The following NLGN1 variants were observed in gnomAD, a reference collection of about 807,000 sequenced individuals.
NLGN1 encodes the protein neuroligin 1.
Under a neutral mutation model 65.5 loss-of-function variants are expected in NLGN1, and 12 were observed. The observed-to-expected ratio is 0.18, with a 90% confidence interval of 0.12 to 0.30. The LOEUF is 0.30. NLGN1 is among the 10% of genes least tolerant of loss of function. The pLI is 1.00. For synonymous variants in NLGN1, 350 were observed against 359.5 expected (o/e 0.97, Z 0.30); for missense variants, 750 against 1,007.1 (o/e 0.74, Z 3.46).
At chr3:174,258,552 C>G (rs1374634168) in intron 4 of NLGN1, among the ~76,000 whole-genome samples, 2 of 152,082 alleles carry the variant, frequency 1.3e-5, no homozygotes, top group Non-Finnish European at 2.9e-5. Flanking sequence ...AATTACCACC[C>G]TAACCAAACG....
At chr3:173,960,757 G>A (rs1440040933) in intron 4 of NLGN1, among the ~76,000 whole-genome samples, 2 of 151,392 alleles carry the variant, frequency 1.3e-5, no homozygotes, top group Non-Finnish European at 3.0e-5. Flanking sequence ...TAGATAGGAA[G>A]ACAACTTATT....
At chr3:174,053,929 T>G (rs776755098) in intron 4 of NLGN1, among the ~76,000 whole-genome samples, 4 of 152,012 alleles carry the variant, frequency 2.6e-5, no homozygotes, top group Non-Finnish European at 4.4e-5. Context: ...TTCTGAAATT[T>G]TCAATATAAG....
intron 4 of NLGN1, chr3:174,202,944 G>A (rs1349515061): frequency 1.3e-5 from 2 of 152,078 alleles, no homozygotes; most frequent in Non-Finnish European, 2.9e-5. Context: ...TCTGTTAGAG[G>A]TTGTGGACTA....
intron 4 of NLGN1, among the ~76,000 whole-genome samples, chr3:174,129,231 A>G (rs1003599640): frequency 2.0e-5 from 3 of 151,964 alleles, no homozygotes; most frequent in African/African-American, 7.3e-5. Flanking sequence ...TGAGGCCCAA[A>G]CGATCAATTT....
intron 4 of NLGN1, among the ~76,000 whole-genome samples, chr3:174,184,139 T>A (rs4894646): frequency 0.75 from 113,700 of 151,958 alleles, 42,602 homozygotes; most frequent in Admixed American, 0.77. Flanking sequence ...CAAAAGTCAA[T>A]AACACTAGAC....
At position 173,882,730 on chromosome 3, in the gene NLGN1, A is replaced by G. The variant is rs4438687; in HGVS notation, c.646+74898A>G. On this transcript the variant is annotated intron_variant, in intron 4 of 6. Coordinates refer to ENST00000457714, the Ensembl canonical transcript of NLGN1. ...TGTTGAAACCTTCTCCATATCATCA[A>G]TAAAGCTGTTTCACTTACTGATAAT... Among the ~76,000 whole-genome samples the G allele has an allele frequency of 3.2e-3, 490 of 152,342 alleles. 12 individuals are homozygous for G. Among genetic ancestry groups the G allele is most frequent in the Admixed American group, 0.025 (390 of 15,302 alleles).
chr3:174,259,268 A>G (rs1746384953), intron 4 of NLGN1, among the ~76,000 whole-genome samples: 2 of 151,982 alleles, frequency 1.3e-5, no homozygotes, highest in Admixed American at 1.3e-4. Flanking sequence ...GCTAGTGTGG[A>G]ATTAAAGACC....
At chr3:173,603,461 G>T (rs920722131) in intron 2 of NLGN1, among the ~76,000 whole-genome samples, 3 of 151,348 alleles carry the variant, frequency 2.0e-5, no homozygotes, top group Admixed American at 6.6e-5. Flanking sequence ...CTAACAGACA[G>T]TGAGAAAAAA....
intron 3 of NLGN1, among the ~76,000 whole-genome samples, chr3:173,702,110 G>A (rs1017073136): frequency 6.7e-6 from 1 of 149,502 alleles, no homozygotes; most frequent in Admixed American, 6.7e-5. Flanking sequence ...GTAGTGGCGG[G>A]CGCCTGTAGT....
At chr3:174,087,508 T>G (rs1457245795) in intron 4 of NLGN1, among the ~76,000 whole-genome samples, 1 of 152,148 alleles carries the variant, frequency 6.6e-6, no homozygotes, top group Non-Finnish European at 1.5e-5. Flanking sequence ...GAAAAACACA[T>G]ACCTGCATAA....
intron 1 of NLGN1, among the ~76,000 whole-genome samples, chr3:173,425,893 A>G (rs1716004917): frequency 6.6e-6 from 1 of 152,160 alleles, no homozygotes; most frequent in South Asian, 2.1e-4. Context: ...TTTGATAGGA[A>G]TTGCATTGAC....
At chr3:173,709,374 C>T (rs1201875868) in intron 3 of NLGN1, among the ~76,000 whole-genome samples, 2 of 152,130 alleles carry the variant, frequency 1.3e-5, no homozygotes, top group African/African-American at 4.8e-5. Flanking sequence ...CTCCTCTGAC[C>T]ATAACTCATT....
intron 4 of NLGN1, among the ~76,000 whole-genome samples, chr3:173,849,178 TA>T (rs1726405602): frequency 6.6e-6 from 1 of 152,126 alleles, no homozygotes; most frequent in African/African-American, 2.4e-5. Context: ...GGGGTAGTGT[TA>T]TATCTTTTCT....
chr3:174,278,661 C>CACAAG (rs1751030506), intron 5 of NLGN1, among the ~76,000 whole-genome samples, 200 bp from the exon 6 acceptor site: 1 of 151,928 alleles, frequency 6.6e-6, no homozygotes. Flanking sequence ...CCACTCAAAG[C>CACAAG]ACAAGACTTA....
intron 4 of NLGN1, among the ~76,000 whole-genome samples, chr3:174,085,524 T>C (rs752971519): frequency 6.6e-6 from 1 of 152,042 alleles, no homozygotes; most frequent in Non-Finnish European, 1.5e-5. Context: ...ATTTTCAAAA[T>C]ATATAGATCT....
At chr3:174,091,649 AATAC>A (rs1358129877) in intron 4 of NLGN1, among the ~76,000 whole-genome samples, 1 of 152,210 alleles carries the variant, frequency 6.6e-6, no homozygotes, top group Non-Finnish European at 1.5e-5. Context: ...TCAGGAACCA[AATAC>A]ATATTTTTGT....
chr3:173,797,299 C>G (rs1434096072), intron 3 of NLGN1, among the ~76,000 whole-genome samples: 2 of 152,120 alleles, frequency 1.3e-5, no homozygotes, highest in Admixed American at 6.6e-5. Context: ...GTTACCAACC[C>G]TCTTCTTCCT....
chr3:174,136,087 G>A (rs1028704189), intron 4 of NLGN1, among the ~76,000 whole-genome samples: 1 of 151,900 alleles, frequency 6.6e-6, no homozygotes, highest in Admixed American at 6.6e-5. Context: ...TGCTTCCTCT[G>A]GAAATAATTT....
At chr3:173,462,000 A>C (rs1723485419) in intron 2 of NLGN1, among the ~76,000 whole-genome samples, 1 of 152,196 alleles carries the variant, frequency 6.6e-6, no homozygotes, top group African/African-American at 2.4e-5. Flanking sequence ...ATGGTGAATG[A>C]ACATTTTCTA....
Sources: gnomAD v4.1 joint callset for allele counts (sites outside exome capture counted in the v4.1 genomes callset) on GRCh38, gnomAD v4.1.1 for gene constraint, MANE v1.5 for transcripts, NCBI Gene and HGNC (gene_info 2026-07-23, HGNC 2026-07-21) for gene names.